The following HIBCH variants were observed in gnomAD, a reference collection of about 807,000 sequenced individuals.
HIBCH encodes 3-hydroxyisobutyryl-CoA hydrolase, mitochondrial.
In HIBCH, 50 loss-of-function variants were observed where a neutral mutation model predicts 58.2. The observed-to-expected ratio is 0.86, with a 90% CI of 0.68 to 1.09. The LOEUF is 1.09. Among genes scored for constraint, HIBCH ranks in the 50% least tolerant of loss-of-function variants. The pLI, the probability that HIBCH is intolerant of heterozygous loss-of-function variation, is 0.00. For missense variants in HIBCH, 450 were observed against 449.7 expected, an observed-to-expected ratio of 1.00 and a Z score of -0.01; for synonymous variants, 151 against 146.9, an observed-to-expected ratio of 1.03 and a Z score of -0.20.
At position 190,216,075 on chromosome 2, in the gene HIBCH, C is replaced by T. The variant is rs1332845012; in HGVS notation, c.892-3000G>A. On this transcript the variant is annotated intron_variant, in intron 11 of 13. Coordinates refer to ENST00000359678, the MANE Select transcript of HIBCH (RefSeq NM_014362.4). This position sits in a 1 kb window ranked among gnomAD's most constrained non-coding sequence, Gnocchi z 4.2. ...GGAAAAGACAAAGATCAAAGAGACA[C>T]AGAAGGTGAGACTGGGGAGAAAAAT... 2 of 152,234 alleles carry T rather than the reference C, an allele frequency of 1.3e-5. No individual in the cohort carries two copies. Among genetic ancestry groups the T allele is most frequent in the Non-Finnish European group, 2.9e-5 (2 of 68,182 alleles). The allele number at this position is 152,234 out of a possible 1,614,324, so 9.4% of individuals were successfully genotyped here. A position where few individuals can be genotyped will look rare whatever the true frequency, so the allele number is the denominator to read the frequency against.
At chr2:190,314,370 CGT>C (rs1225283414) in intron 1 of HIBCH, among the ~76,000 whole-genome samples, 11 of 83,718 alleles carry the variant, frequency 1.3e-4, no homozygotes, top group African/African-American at 3.6e-4. Flanking sequence ...TATATATATA[CGT>C]ATATATGTGT....
chr2:190,271,262 T>C (rs1687390743), intron 6 of HIBCH, among the ~76,000 whole-genome samples: 2 of 148,624 alleles, frequency 1.3e-5, no homozygotes, highest in African/African-American at 4.9e-5. Flanking sequence ...TAAATCTATC[T>C]ACCCATTATC....
Position 190,205,962 on chromosome 2 carries a change from ATTTC to A in HIBCH, c.1046-734_1046-731del. On this transcript the variant is annotated intron_variant, in intron 13 of 13. Transcript: ENST00000359678. ...GGAAGGTATGCAAGATCTCTATATTATTTCTTACAACCGCATGAATCTACAATGA... is the reference window on the plus strand; with the variant it reads ...GGAAGGTATGCAAGATCTCTATATTATTACAACCGCATGAATCTACAATGA... Among the ~76,000 whole-genome samples, 5 of 152,306 alleles carry A rather than the reference ATTTC, an allele frequency of 3.3e-5. 1 individual carries two copies. The highest frequency in any genetic ancestry group is 3.3e-4 in the Admixed American group (5 of 15,296).
intron 2 of HIBCH, among the ~76,000 whole-genome samples, chr2:190,298,644 T>G (rs1045772502): frequency 6.6e-6 from 1 of 152,174 alleles, no homozygotes; most frequent in Non-Finnish European, 1.5e-5. Flanking sequence ...ATTAGACCTT[T>G]GTCAGATGGG....
At chr2:190,205,979 G>C (rs1163385621) in intron 13 of HIBCH, among the ~76,000 whole-genome samples, 3 of 152,196 alleles carry the variant, frequency 2.0e-5, no homozygotes, top group African/African-American at 7.2e-5. Context: ...ACAACCGCAT[G>C]AATCTACAAT....
At chr2:190,233,386 T>C (rs1686169525) in intron 11 of HIBCH, among the ~76,000 whole-genome samples, 3 of 152,228 alleles carry the variant, frequency 2.0e-5, no homozygotes, top group South Asian at 4.1e-4. Flanking sequence ...GGTAATTGAA[T>C]CACATGGGCA....
intron 9 of HIBCH, among the ~76,000 whole-genome samples, chr2:190,248,616 C>T (rs1212867773): frequency 6.6e-6 from 1 of 152,076 alleles, no homozygotes; most frequent in East Asian, 1.9e-4. Flanking sequence ...AATCTCAGTA[C>T]TTTGGGAAGC....
intron 11 of HIBCH, among the ~76,000 whole-genome samples, chr2:190,221,379 G>A (rs1468486272): frequency 6.6e-6 from 1 of 152,176 alleles, no homozygotes; most frequent in Non-Finnish European, 1.5e-5. Context: ...GCATGATGGT[G>A]CACTGAAACC....
chr2:190,302,847 A>G (rs1688302849), intron 2 of HIBCH, among the ~76,000 whole-genome samples: 1 of 152,198 alleles, frequency 6.6e-6, no homozygotes, highest in Non-Finnish European at 1.5e-5. Context: ...GGTGATAAGG[A>G]AGCTAACTAA....
chr2:190,277,065 T>C (rs1046625380), intron 6 of HIBCH, among the ~76,000 whole-genome samples: 2 of 152,182 alleles, frequency 1.3e-5, no homozygotes, highest in Non-Finnish European at 2.9e-5. Context: ...CAACCCCAGA[T>C]GTTTTATATA....
Position 190,279,018 on chromosome 2 carries a change from G to A in HIBCH, c.438+8568C>T, listed in dbSNP as rs1687635493. Among the ~76,000 whole-genome samples, 1 of 152,150 alleles carries A rather than the reference G, an allele frequency of 6.6e-6. No individual in the cohort carries two copies. Among genetic ancestry groups the A allele is most frequent in the African/African-American group, 2.4e-5 (1 of 41,438 alleles). On this transcript the variant is annotated intron_variant, in intron 6 of 13. Coordinates refer to ENST00000359678, the MANE Select transcript of HIBCH (RefSeq NM_014362.4). This position sits in a 1 kb window ranked among gnomAD's most constrained non-coding sequence, Gnocchi z 4.2. ...CAATTTATAAAGAAAAGGAATCTAT[G>A]TCTTACAGCTCTTCTGGAGATTGGG...
chr2:190,294,789 T>C (rs1484226896), intron 3 of HIBCH, among the ~76,000 whole-genome samples, 159 bp from the exon 4 acceptor site: 2 of 152,164 alleles, frequency 1.3e-5, no homozygotes, highest in Non-Finnish European at 2.9e-5. Flanking sequence ...ACGAATCTCA[T>C]CCCATTCCTT....
intron 13 of HIBCH, among the ~76,000 whole-genome samples, chr2:190,205,781 C>T (rs990955815): frequency 3.3e-5 from 5 of 152,104 alleles, no homozygotes; most frequent in Admixed American, 1.3e-4. Context: ...ATCATGAAAC[C>T]GTCTAGTTCT....
intron 7 of HIBCH, among the ~76,000 whole-genome samples, 161 bp downstream of exon 7, chr2:190,260,995 T>C (rs1687072592): frequency 6.6e-6 from 1 of 152,240 alleles, no homozygotes; most frequent in African/African-American, 2.4e-5. Context: ...TGAGCTAATA[T>C]AGACTTCAAA....
chr2:190,204,180 A>G lies in HIBCH; in HGVS notation c.*937T>C, dbSNP rs1426961105. Reference sequence around the variant, plus strand: ...TTAAAAAGTACTTACTTCATTAACAATATCAATTATTGAATATATCTTTTG... The same window carrying G: ...TTAAAAAGTACTTACTTCATTAACAGTATCAATTATTGAATATATCTTTTG... On this transcript the variant is annotated 3_prime_UTR_variant, in exon 14 of 14. Transcript: ENST00000359678. 5 of 152,208 alleles carry G rather than the reference A, an allele frequency of 3.3e-5. No homozygotes were observed. The highest frequency in any genetic ancestry group is 4.1e-4 in the South Asian group (2 of 4,830). 9.4% of individuals were successfully genotyped at this position (152,208 alleles called of 1,614,324 possible).
chr2:190,251,123 T>G (rs556499321), intron 8 of HIBCH, among the ~76,000 whole-genome samples: 1 of 152,196 alleles, frequency 6.6e-6, no homozygotes, highest in Admixed American at 6.5e-5. Context: ...TCTAAAAATA[T>G]AAAACTGCAT....
intron 2 of HIBCH, among the ~76,000 whole-genome samples, chr2:190,302,470 T>C (rs142324109): frequency 4.6e-5 from 7 of 152,264 alleles, no homozygotes; most frequent in East Asian, 1.9e-4. Flanking sequence ...CCTCCCTACA[T>C]AGACTGGCCA....
chr2:190,208,062 G>C (rs1276874695), intron 13 of HIBCH, among the ~76,000 whole-genome samples: 2 of 152,164 alleles, frequency 1.3e-5, no homozygotes, highest in East Asian at 1.9e-4. Flanking sequence ...AGGAATTGTT[G>C]CAAGTATGCT....
intron 12 of HIBCH, among the ~76,000 whole-genome samples, chr2:190,212,574 T>TCA (rs1223107505): frequency 6.6e-6 from 1 of 152,156 alleles, no homozygotes; most frequent in Non-Finnish European, 1.5e-5. Context: ...TGCATTTACT[T>TCA]TATATATATA....
Sources: allele counts gnomAD v4.1 joint callset (sites outside exome capture counted in the v4.1 genomes callset), GRCh38; gene constraint gnomAD v4.1.1; non-coding constraint Gnocchi (gnomAD v3.1); transcripts MANE v1.5; gene names NCBI Gene and HGNC (gene_info 2026-07-23, HGNC 2026-07-21).